TNR: variants seen among roughly 807,000 people sequenced by gnomAD.
The protein encoded by TNR is tenascin R.
A neutral mutation model predicts 150.4 loss-of-function variants in TNR; 45 were observed. That is an observed-to-expected ratio of 0.30 (90% confidence interval 0.24 to 0.38). TNR has a LOEUF of 0.38. Ranked by LOEUF, TNR falls within the 10% of genes least tolerant of loss-of-function variation. The pLI is 1.00. For missense variants in TNR, 1,544 were observed against 1,759.1 expected, an observed-to-expected ratio of 0.88 and a Z score of 2.19; for synonymous variants, 687 against 678.4, an observed-to-expected ratio of 1.01 and a Z score of -0.20.
intron 1 of TNR, among the ~76,000 whole-genome samples, chr1:175,738,758 G>C (rs759403813): frequency 4.6e-5 from 7 of 152,158 alleles, no homozygotes; most frequent in Admixed American, 1.3e-4. Flanking sequence ...TCAAAGTCAC[G>C]TTTCCAAGGC....
Position 175,362,758 on chromosome 1 carries a change from A to G in TNR, c.2759T>C (p.Ile920Thr), listed in dbSNP as rs1651661142. The change falls in exon 14 of 23, where the codon ATC (isoleucine) becomes ACC (threonine). Residue 920 changes from isoleucine to threonine, a missense_variant. Transcript: ENST00000367674. ...VVPNTVTEFTITRLNPATEYE... is the reference protein window; with the variant it reads ...VVPNTVTEFTTTRLNPATEYE... ...TTCGGTAGCTGGGTTCAGTCTGGTG[A>G]TGGTGAATTCTGTCACAGTGTTGGG... The G allele has an allele frequency of 6.2e-7, 1 of 1,614,138 alleles. No homozygotes were observed. The highest frequency in any genetic ancestry group is 8.5e-7 in the Non-Finnish European group (1 of 1,179,990).
At chr1:175,667,786 T>C (rs1428626147) in intron 1 of TNR, among the ~76,000 whole-genome samples, 3 of 152,214 alleles carry the variant, frequency 2.0e-5, no homozygotes, top group Non-Finnish European at 4.4e-5. Flanking sequence ...CTCCTGCCTG[T>C]ACCCTCTTGG....
intron 2 of TNR, among the ~76,000 whole-genome samples, chr1:175,523,184 G>A (rs1298283042): frequency 3.9e-5 from 6 of 152,246 alleles, no homozygotes; most frequent in South Asian, 2.1e-4. Flanking sequence ...ATCCAGCAGC[G>A]CCTCTGTCAC....
chr1:175,644,493 T>C (rs1273061156), intron 1 of TNR, among the ~76,000 whole-genome samples: 3 of 152,212 alleles, frequency 2.0e-5, no homozygotes, highest in African/African-American at 7.2e-5. Flanking sequence ...GGACATATGT[T>C]ATAAAGTAGA....
intron 2 of TNR, among the ~76,000 whole-genome samples, chr1:175,524,545 G>C (rs1444496131): frequency 6.6e-6 from 1 of 152,132 alleles, no homozygotes; most frequent in Admixed American, 6.5e-5. Context: ...TAGAGGAGAA[G>C]GGTAAGGAAG....
At chr1:175,543,283 G>A (rs1660571152) in intron 1 of TNR, among the ~76,000 whole-genome samples, 1 of 152,188 alleles carries the variant, frequency 6.6e-6, no homozygotes, top group African/African-American at 2.4e-5. Context: ...CTAGAGAGCA[G>A]AGAATGCAGC....
intron 1 of TNR, among the ~76,000 whole-genome samples, chr1:175,583,596 GAC>G (rs1662449213): frequency 6.6e-6 from 1 of 152,176 alleles, no homozygotes; most frequent in Non-Finnish European, 1.5e-5. Context: ...AGACTGCATG[GAC>G]TGGTCAGTGG....
At chr1:175,680,548 G>T (rs142442857) in intron 1 of TNR, among the ~76,000 whole-genome samples, 1 of 152,196 alleles carries the variant, frequency 6.6e-6, no homozygotes, top group African/African-American at 2.4e-5. Context: ...GGAGTAGAGA[G>T]ATGAGAGAAA....
At chr1:175,532,685 C>T (rs1036216895) in intron 1 of TNR, among the ~76,000 whole-genome samples, 2 of 152,106 alleles carry the variant, frequency 1.3e-5, no homozygotes, top group Admixed American at 1.3e-4. Flanking sequence ...GGCTCAGGGT[C>T]TCTCACGAGG....
intron 1 of TNR, among the ~76,000 whole-genome samples, chr1:175,713,170 C>T (rs956988116): frequency 1.3e-5 from 2 of 152,196 alleles, no homozygotes; most frequent in African/African-American, 4.8e-5. Flanking sequence ...TAACTTTGCT[C>T]TGCAGACAAA....
chr1:175,348,987 A>G (rs1650928858), intron 18 of TNR, among the ~76,000 whole-genome samples: 1 of 152,210 alleles, frequency 6.6e-6, no homozygotes, highest in Non-Finnish European at 1.5e-5. Context: ...ACATATGAAG[A>G]GATGTTTAAA....
At chr1:175,473,601 C>T (rs902519007) in intron 2 of TNR, among the ~76,000 whole-genome samples, 29 of 152,260 alleles carry the variant, frequency 1.9e-4, no homozygotes, top group Non-Finnish European at 3.1e-4. Context: ...GGCCAAGGCC[C>T]AAATGTCTAC....
chr1:175,465,076 C>G (rs759093505), intron 2 of TNR, among the ~76,000 whole-genome samples: 56 of 152,302 alleles, frequency 3.7e-4, no homozygotes, highest in Non-Finnish European at 7.2e-4. Flanking sequence ...TGCCCATAAG[C>G]CAGGTGGCAT....
chr1:175,647,533 C>T (rs1349926101), intron 1 of TNR, among the ~76,000 whole-genome samples: 4 of 151,828 alleles, frequency 2.6e-5, no homozygotes, highest in Non-Finnish European at 5.9e-5. Context: ...GGAAATGGTT[C>T]TGCCTAGATG....
At chr1:175,612,435 T>C (rs1571675251) in intron 1 of TNR, among the ~76,000 whole-genome samples, 1 of 152,184 alleles carries the variant, frequency 6.6e-6, no homozygotes, top group Non-Finnish European at 1.5e-5. Flanking sequence ...GAAATTCAGG[T>C]TGTGGGCAAT....
chr1:175,354,139 C>A (rs1257047541), intron 18 of TNR, among the ~76,000 whole-genome samples: 1 of 152,198 alleles, frequency 6.6e-6, no homozygotes, highest in Non-Finnish European at 1.5e-5. Flanking sequence ...GTCACCGCAC[C>A]CAGCCAGAAC....
intron 1 of TNR, among the ~76,000 whole-genome samples, chr1:175,710,955 G>T (rs1571777714): frequency 6.6e-6 from 1 of 152,014 alleles, no homozygotes; most frequent in Admixed American, 6.6e-5. Context: ...CCTGTTCTGT[G>T]CTCCCCATCA....
chr1:175,373,852 G>A (rs866991219), intron 9 of TNR, among the ~76,000 whole-genome samples: 3 of 152,140 alleles, frequency 2.0e-5, no homozygotes, highest in East Asian at 1.9e-4. Context: ...TCCCAGCTCC[G>A]TGAGGAAGAG....
Position 175,323,487 on chromosome 1 carries a change from G to C in TNR, c.3958-11C>G. On this transcript the variant is annotated splice_polypyrimidine_tract_variant and intron_variant, in intron 22 of 22. Coordinates refer to ENST00000367674, the MANE Select transcript of TNR (RefSeq NM_003285.3). ...GTACCAGTTGATGCCCTGGGCGTGA[G>C]AAAGATAAGCATGTCAGGTCATCCC... 1.2e-6 allele frequency: 2 copies of C among 1,613,380 alleles called. No homozygotes were observed. The highest frequency in any genetic ancestry group is 8.5e-7 in the Non-Finnish European group (1 of 1,179,596).
Sources: gnomAD v4.1 joint callset for allele counts (sites outside exome capture counted in the v4.1 genomes callset) on GRCh38, gnomAD v4.1.1 for gene constraint, MANE v1.5 for transcripts, NCBI Gene and HGNC (gene_info 2026-07-23, HGNC 2026-07-21) for gene names.